Variants in CNTNAP2 observed in about 807,000 individuals in gnomAD.
CNTNAP2 encodes contactin-associated protein-like 2.
A neutral mutation model predicts 155.2 loss-of-function variants in CNTNAP2; 98 were observed. The observed-to-expected ratio is 0.63, with a 90% confidence interval of 0.54 to 0.75. CNTNAP2 has a LOEUF of 0.75. Among genes scored for constraint, CNTNAP2 ranks in the 30% least tolerant of loss-of-function variants. The pLI, the probability that CNTNAP2 is intolerant of heterozygous loss-of-function variation, is 0.00. For missense variants in CNTNAP2, 1,727 were observed against 1,688.1 expected (o/e 1.02, Z -0.40); for synonymous variants, 651 against 631.2 (o/e 1.03, Z -0.47).
chr7:148,122,428 G>A (rs74576832), intron 16 of CNTNAP2, among the ~76,000 whole-genome samples: 2,858 of 152,304 alleles, frequency 0.019, 94 homozygotes, highest in African/African-American at 0.065. Context: ...AGGTGAAGAA[G>A]TGGGGGAAGA....
chr7:147,153,782 T>G (rs149382477), intron 8 of CNTNAP2, among the ~76,000 whole-genome samples: 75 of 152,262 alleles, frequency 4.9e-4, no homozygotes, highest in African/African-American at 1.8e-3. Context: ...AGTGACATAA[T>G]CTGTTTCACA....
At chr7:146,298,600 G>GTT (rs1236840867) in intron 1 of CNTNAP2, among the ~76,000 whole-genome samples, 5 of 152,338 alleles carry the variant, frequency 3.3e-5, no homozygotes, top group Non-Finnish European at 5.9e-5. Context: ...GGGATTTGGA[G>GTT]TTTAGCTTTG....
At chr7:146,178,805 T>C (rs1390377077) in intron 1 of CNTNAP2, among the ~76,000 whole-genome samples, 2 of 152,220 alleles carry the variant, frequency 1.3e-5, no homozygotes, top group Non-Finnish European at 2.9e-5. Flanking sequence ...GTTCTGTTCT[T>C]ATCATCATAC....
intron 1 of CNTNAP2, among the ~76,000 whole-genome samples, chr7:146,738,286 T>C (rs1801654636): frequency 6.6e-6 from 1 of 152,100 alleles, no homozygotes; most frequent in African/African-American, 2.4e-5. Flanking sequence ...TTTTTTCATA[T>C]ACCTGTTGGC....
At chr7:146,685,637 C>A (rs1800584271) in intron 1 of CNTNAP2, among the ~76,000 whole-genome samples, 1 of 151,984 alleles carries the variant, frequency 6.6e-6, no homozygotes, top group South Asian at 2.1e-4. Context: ...GAATGAAAAA[C>A]AAGCCTACGT....
At chr7:147,364,697 A>C (rs1448206060) in intron 9 of CNTNAP2, among the ~76,000 whole-genome samples, 1 of 152,134 alleles carries the variant, frequency 6.6e-6, no homozygotes, top group Non-Finnish European at 1.5e-5. Context: ...AAAATACAAA[A>C]AATTAGCCGG....
At chr7:147,059,371 A>G (rs571102730) in intron 4 of CNTNAP2, among the ~76,000 whole-genome samples, 1 of 152,114 alleles carries the variant, frequency 6.6e-6, no homozygotes, top group Non-Finnish European at 1.5e-5. Context: ...GGCACAGATA[A>G]TCCAGTTACT....
intron 1 of CNTNAP2, among the ~76,000 whole-genome samples, chr7:146,616,001 C>A (rs1469339363): frequency 1.3e-5 from 2 of 152,162 alleles, no homozygotes; most frequent in African/African-American, 4.8e-5. Context: ...AATTCCAGTG[C>A]TGGAAGTTAG....
At chr7:147,269,528 A>G (rs1804692216) in intron 8 of CNTNAP2, among the ~76,000 whole-genome samples, 1 of 152,218 alleles carries the variant, frequency 6.6e-6, no homozygotes, top group African/African-American at 2.4e-5. Flanking sequence ...TATGAGAGAC[A>G]CAATATGCCG....
intron 8 of CNTNAP2, among the ~76,000 whole-genome samples, chr7:147,268,289 A>G (rs1804662132): frequency 6.6e-6 from 1 of 152,156 alleles, no homozygotes; most frequent in Admixed American, 6.5e-5. Context: ...CATACAGATA[A>G]TGACCAAATT....
intron 1 of CNTNAP2, among the ~76,000 whole-genome samples, chr7:146,264,346 G>A (rs10267759): frequency 0.041 from 6,229 of 152,076 alleles, 204 homozygotes; most frequent in African/African-American, 0.09. Flanking sequence ...CAGCTCCTCA[G>A]AGGCTGAGAC....
At chr7:148,265,851 AT>A (rs1484810383) in intron 20 of CNTNAP2, among the ~76,000 whole-genome samples, 2 of 152,226 alleles carry the variant, frequency 1.3e-5, no homozygotes, top group Non-Finnish European at 1.5e-5. Context: ...GTCATTAATA[AT>A]GAATGACTAT....
At chr7:146,545,499 A>AC (rs1798015718) in intron 1 of CNTNAP2, among the ~76,000 whole-genome samples, 1 of 148,734 alleles carries the variant, frequency 6.7e-6, no homozygotes, top group Admixed American at 6.7e-5. Flanking sequence ...CTAGACCCTC[A>AC]CCCCCCAACA....
intron 1 of CNTNAP2, among the ~76,000 whole-genome samples, chr7:146,457,402 C>A (rs1796569635): frequency 7.1e-6 from 1 of 141,688 alleles, no homozygotes; most frequent in African/African-American, 2.6e-5. Context: ...TGTGAATATT[C>A]AAAAAATGAT....
chr7:147,343,089 G>C (rs914441192), intron 9 of CNTNAP2, among the ~76,000 whole-genome samples: 1 of 151,986 alleles, frequency 6.6e-6, no homozygotes, highest in Non-Finnish European at 1.5e-5. Context: ...TTGTTGAATT[G>C]CACTGAACTT....
At chr7:147,293,064 A>C (rs952886975) in intron 8 of CNTNAP2, among the ~76,000 whole-genome samples, 2 of 152,144 alleles carry the variant, frequency 1.3e-5, no homozygotes, top group East Asian at 3.9e-4. Context: ...CACCACACCC[A>C]GCTATGAAGT....
chr7:146,278,280 T>G (rs1427223970), intron 1 of CNTNAP2, among the ~76,000 whole-genome samples: 2 of 152,196 alleles, frequency 1.3e-5, no homozygotes, highest in Admixed American at 6.5e-5. Flanking sequence ...TTCCCAATCT[T>G]TTGACAAAGT....
intron 9 of CNTNAP2, among the ~76,000 whole-genome samples, chr7:147,366,042 T>G (rs1279490249): frequency 6.6e-6 from 1 of 152,214 alleles, no homozygotes; most frequent in Non-Finnish European, 1.5e-5. Flanking sequence ...GAAGGTCCTT[T>G]CCTTCATCAA....
chr7:146,378,572 G>T (rs926453550), intron 1 of CNTNAP2, among the ~76,000 whole-genome samples: 3 of 152,042 alleles, frequency 2.0e-5, no homozygotes, highest in Admixed American at 1.3e-4. Flanking sequence ...ATGTAGAAAT[G>T]GTATATAATT....
Sources: allele counts gnomAD v4.1 joint callset (sites outside exome capture counted in the v4.1 genomes callset), GRCh38; gene constraint gnomAD v4.1.1; transcripts MANE v1.5; gene names NCBI Gene and HGNC (gene_info 2026-07-23, HGNC 2026-07-21).